Variants in RYR1 observed in about 807,000 individuals in gnomAD.
The protein encoded by RYR1 is central core disease of muscle.
RYR1 carries 342 observed loss-of-function variants against 583.5 expected under a neutral mutation model. The observed-to-expected ratio is 0.59, with a 90% CI of 0.54 to 0.64. The LOEUF is 0.64. Ranked by LOEUF, RYR1 falls within the 30% of genes least tolerant of loss-of-function variation. The pLI is 0.00. For synonymous variants in RYR1, 2,791 were observed against 2,822.5 expected (o/e 0.99, Z 0.35); for missense variants, 6,032 against 6,917.2 (o/e 0.87, Z 4.54).
Position 38,502,489 on chromosome 19 carries a change from C to T in RYR1, c.7615-18C>T, listed in dbSNP as rs911835608. ...CAGGGGTGTGCAGCGGGCCTGATGT[C>T]CTCACCCTGCGCCCTAGGCCACTTT... On this transcript the variant is annotated intron_variant, in intron 47 of 105. Coordinates refer to ENST00000359596, the MANE Select transcript of RYR1 (RefSeq NM_000540.3). The T allele has an allele frequency of 3.1e-6, 5 of 1,599,724 alleles. No individual in the cohort carries two copies. Among genetic ancestry groups the T allele is most frequent in the South Asian group, 2.2e-5 (2 of 89,306 alleles).
chr19:38,523,446 C>T, intron 69 of RYR1, 137 bp downstream of exon 69: 1 of 883,056 alleles, frequency 1.1e-6, no homozygotes, highest in South Asian at 1.4e-5. Context: ...CCCCTCTTAC[C>T]TCCTCTCCCT....
Position 38,507,705 on chromosome 19 carries a change from C to A in RYR1, c.8817-7C>A, listed in dbSNP as rs748541593. On this transcript the variant is annotated splice_region_variant and splice_polypyrimidine_tract_variant and intron_variant, in intron 57 of 105. Transcript: ENST00000359596. ...GGGCTGATCCTTCTCTCCACATCTC[C>A]ATGCAGAGGCCTTAAGGACATGGAA... 5.7e-6 allele frequency: 9 copies of A among 1,577,566 alleles called. No individual in the cohort carries two copies. The highest frequency in any genetic ancestry group is 7.8e-6 in the Non-Finnish European group (9 of 1,147,028).
chr19:38,534,420 A>G (rs1971875252), intron 78 of RYR1, among the ~76,000 whole-genome samples: 1 of 152,236 alleles, frequency 6.6e-6, no homozygotes, highest in South Asian at 2.1e-4. Flanking sequence ...AGAGGGCGGA[A>G]AACATAAAAA....
chr19:38,528,479 C>G lies in RYR1; in HGVS notation c.10937+61C>G, dbSNP rs565949548. The G allele has an allele frequency of 5.0e-6, 8 of 1,600,668 alleles. No individual in the cohort carries two copies. The Admixed American group carries it at 1.3e-4, about 27-fold the overall frequency. ...TGCGGAGAAAGGGTGGCTGGAGAGT[C>G]TGGAGAATGGAGGGCCAACGTGATG... On this transcript the variant is annotated intron_variant, in intron 74 of 105. Transcript: ENST00000359596.
At chr19:38,443,030 A>G (rs907869732) in intron 3 of RYR1, among the ~76,000 whole-genome samples, 4 of 152,194 alleles carry the variant, frequency 2.6e-5, no homozygotes, top group East Asian at 1.9e-4. Context: ...GCATGGTGAC[A>G]TCGAGCAGTC....
chr19:38,564,988 C>T lies in RYR1; in HGVS notation c.12654C>T (p.Phe4218=), dbSNP rs1294294978. The T allele has an allele frequency of 1.4e-5, 23 of 1,591,494 alleles. No individual in the cohort carries two copies. The highest frequency in any genetic ancestry group is 1.9e-5 in the Non-Finnish European group (22 of 1,169,860). ...QVKESKRQFI[F]DVVNEGGEAE... is the part of the protein sequence containing the mutation. ...AGGAGTCCAAGCGCCAGTTCATCTTCGACGTGGTGAACGAGGGCGGCGAGG... is the reference window on the plus strand; with the variant it reads ...AGGAGTCCAAGCGCCAGTTCATCTTTGACGTGGTGAACGAGGGCGGCGAGG... The change falls in exon 91 of 106, where the codon TTC becomes TTT. Residue 4218 remains phenylalanine (F), a synonymous_variant. Transcript: ENST00000359596.
chr19:38,543,132 C>T lies in RYR1; in HGVS notation c.11690-215C>T, dbSNP rs932027291. 2.0e-5 allele frequency among the ~76,000 whole-genome samples: 3 copies of T among 152,130 alleles called. No individual in the cohort carries two copies. The highest frequency in any genetic ancestry group is 2.9e-5 in the Non-Finnish European group (2 of 68,030). On this transcript the variant is annotated intron_variant, in intron 84 of 105. Transcript: ENST00000359596. This position sits in a 1 kb window ranked among gnomAD's most constrained non-coding sequence, Gnocchi z 4.4. ...GCTGGAATTACAGGCGTGAGCCACC[C>T]GGCCAGTATTTTTAGACAAATGAAT...
chr19:38,580,544 G>A (rs1463246378), intron 101 of RYR1, 40 bp downstream of exon 101: 19 of 1,612,062 alleles, frequency 1.2e-5, no homozygotes, highest in Middle Eastern at 1.7e-4. Flanking sequence ...CTTCCTTCTC[G>A]CATCTGTTGA....
intron 34 of RYR1, among the ~76,000 whole-genome samples, chr19:38,488,351 C>G (rs968223560): frequency 3.3e-5 from 5 of 152,074 alleles, no homozygotes; most frequent in Non-Finnish European, 7.4e-5. Flanking sequence ...ACTTATTCAT[C>G]TTTCCTTCAA....
At chr19:38,443,069 G>A (rs1972771845) in intron 3 of RYR1, among the ~76,000 whole-genome samples, 1 of 152,198 alleles carries the variant, frequency 6.6e-6, no homozygotes. Flanking sequence ...CCGGGTTGGG[G>A]ACCTTGTGCT....
At chr19:38,528,192 CGT>C in intron 73 of RYR1, 112 bp from the exon 74 acceptor site, 1 of 855,004 alleles carries the variant, frequency 1.2e-6, no homozygotes, top group Non-Finnish European at 2.0e-6. Context: ...TTCCTTCTGC[CGT>C]GTGAGTCTTA....
Position 38,487,919 on chromosome 19 carries a change from G to A in RYR1, c.5548-1258G>A, listed in dbSNP as rs543719897. Among the ~76,000 whole-genome samples the A allele has an allele frequency of 1.6e-4, 24 of 152,208 alleles. No individual in the cohort carries two copies. In the South Asian group the frequency reaches 3.7e-3, roughly 24 times the overall value. On this transcript the variant is annotated intron_variant, in intron 34 of 105. Transcript: ENST00000359596. ...AGTGTTAGGATTACAGGCATGAGAC[G>A]CTCTGCTCAACCTAATTTTGTTTTT...
Position 38,580,455 on chromosome 19 carries a change from A to C in RYR1, c.14597A>C (p.Lys4866Thr). 1 of 1,614,154 alleles carries C rather than the reference A, an allele frequency of 6.2e-7. No individual in the cohort carries two copies. The highest frequency in any genetic ancestry group is 8.5e-7 in the Non-Finnish European group (1 of 1,180,018). Reference protein sequence around the residue: ...AFNFFRKFYNKSEDEDEPDMK... With the variant: ...AFNFFRKFYNTSEDEDEPDMK... ...AACTTCTTCCGCAAGTTCTACAACAAGAGCGAGGATGAGGATGAACCTGAC... is the reference window on the plus strand; with the variant it reads ...AACTTCTTCCGCAAGTTCTACAACACGAGCGAGGATGAGGATGAACCTGAC... The change falls in exon 101 of 106, where the codon AAG (lysine) becomes ACG (threonine). Residue 4866 changes from lysine (K) to threonine (T), a missense_variant. By Grantham distance (78) the Lys-to-Thr change is moderately conservative. This residue lies in a region of RYR1 where 189 missense variants were observed against 350.3 expected (regional missense o/e 0.54). Transcript: ENST00000359596.
intron 30 of RYR1, 74 bp from the exon 31 acceptor site, chr19:38,478,361 G>A: frequency 1.1e-5 from 17 of 1,547,014 alleles, no homozygotes; most frequent in Non-Finnish European, 1.5e-5. Flanking sequence ...GTTTCCGGGA[G>A]CTTGGGGAAG....
chr19:38,545,551 A>G (rs2960318), intron 87 of RYR1, among the ~76,000 whole-genome samples: 35,650 of 152,062 alleles, frequency 0.23, 4,823 homozygotes, highest in African/African-American at 0.36. Flanking sequence ...GGTGGCTCAT[A>G]CCTGTAATCC....
intron 31 of RYR1, among the ~76,000 whole-genome samples, chr19:38,479,009 C>G (rs777277901): frequency 1.3e-5 from 2 of 152,148 alleles, no homozygotes; most frequent in Non-Finnish European, 2.9e-5. Context: ...CTCAAGTGGT[C>G]CACCCACCTC....
intron 89 of RYR1, among the ~76,000 whole-genome samples, chr19:38,559,300 C>T (rs187782499): frequency 2.4e-3 from 326 of 138,080 alleles, no homozygotes; most frequent in Non-Finnish European, 4.0e-3. Flanking sequence ...ATGGCACAAT[C>T]TTGGCTCACT....
intron 97 of RYR1, among the ~76,000 whole-genome samples, 157 bp from the exon 98 acceptor site, chr19:38,577,761 C>A (rs1201386660): frequency 1.3e-5 from 2 of 151,848 alleles, no homozygotes; most frequent in African/African-American, 4.8e-5. Flanking sequence ...GCGCCACTGC[C>A]CTCCAGCCTG....
At chr19:38,586,037 C>A (rs369210315) in intron 103 of RYR1, 35 bp downstream of exon 103, 1 of 1,613,830 alleles carries the variant, frequency 6.2e-7, no homozygotes, top group Non-Finnish European at 8.5e-7. Flanking sequence ...AGAGGGATTA[C>A]GGGATTCAGG....
Sources: gnomAD v4.1 joint callset for allele counts (sites outside exome capture counted in the v4.1 genomes callset) on GRCh38, gnomAD v4.1.1 for gene constraint, gnomAD v4.1.1 regional missense constraint, Gnocchi (gnomAD v3.1) non-coding constraint, MANE v1.5 for transcripts, NCBI Gene and HGNC (gene_info 2026-07-23, HGNC 2026-07-21) for gene names.